CHST9: variants seen among roughly 807,000 people sequenced by gnomAD.
CHST9 encodes GalNAc-4-sulfotransferase 2.
CHST9 carries 41 observed loss-of-function variants against 44.4 expected under a neutral mutation model. The ratio of observed to expected loss-of-function variants is 0.92; its 90% CI spans 0.72 to 1.20. The LOEUF (loss-of-function observed/expected upper bound fraction) is 1.20, where lower values mean the gene tolerates loss of function less well. Among genes scored for constraint, CHST9 ranks in the 50% most tolerant of loss-of-function variants. The probability of loss-of-function intolerance (pLI) is 0.00; values close to 1 mark genes in which losing one functional copy is unlikely to be tolerated. For synonymous variants in CHST9, 171 were observed against 178.4 expected (o/e 0.96, Z 0.33); for missense variants, 504 against 516.5 (o/e 0.98, Z 0.23).
At chr18:27,002,066 C>T (rs1373696893) in intron 4 of CHST9, among the ~76,000 whole-genome samples, 1 of 151,900 alleles carries the variant, frequency 6.6e-6, no homozygotes, top group Non-Finnish European at 1.5e-5. Context: ...AAGGCACATC[C>T]TTTGGGTGGA....
chr18:27,048,068 C>T (rs1263944328), intron 3 of CHST9, among the ~76,000 whole-genome samples: 1 of 152,058 alleles, frequency 6.6e-6, no homozygotes, highest in Non-Finnish European at 1.5e-5. Flanking sequence ...TTAACACTGT[C>T]CTGAAAAGCA....
chr18:26,917,736 A>C (rs2055563680), intron 5 of CHST9, among the ~76,000 whole-genome samples: 1 of 152,170 alleles, frequency 6.6e-6, no homozygotes, highest in Admixed American at 6.6e-5. Flanking sequence ...TTTGAGATTG[A>C]AACTTTTATT....
rs532022839 is a variant in CHST9 at position 27,166,148 on chromosome 18, C to A, written c.-97+18988G>T. 2.0e-5 allele frequency among the ~76,000 whole-genome samples: 3 copies of A among 152,254 alleles called. No individual in the cohort carries two copies. In the South Asian group the frequency reaches 6.2e-4, roughly 32 times the overall value. On this transcript the variant is annotated intron_variant, in intron 1 of 5. Coordinates refer to ENST00000618847, the MANE Select transcript of CHST9 (RefSeq NM_031422.6). ...CGTCCTCCAAAAAATGACCTAATTT[C>A]TCAAACAGGAAATCTCAATCTGTAT...
chr18:27,184,178 TCA>T (rs1194160445), intron 1 of CHST9, among the ~76,000 whole-genome samples: 1 of 151,960 alleles, frequency 6.6e-6, no homozygotes, highest in Non-Finnish European at 1.5e-5. Flanking sequence ...GAGAAAAAAG[TCA>T]CACACACACA....
chr18:27,122,649 A>G (rs1326557305), intron 2 of CHST9, among the ~76,000 whole-genome samples: 2 of 152,186 alleles, frequency 1.3e-5, no homozygotes, highest in Non-Finnish European at 2.9e-5. Context: ...AGAACTCCAA[A>G]ATGAAGAGGT....
intron 2 of CHST9, among the ~76,000 whole-genome samples, chr18:27,106,869 C>CT (rs1431445166): frequency 6.6e-6 from 1 of 152,166 alleles, no homozygotes; most frequent in East Asian, 1.9e-4. Flanking sequence ...TTACCTAGAT[C>CT]TTTTTCATCA....
At chr18:26,957,058 T>G (rs2056335026) in intron 4 of CHST9, among the ~76,000 whole-genome samples, 1 of 152,140 alleles carries the variant, frequency 6.6e-6, no homozygotes. Flanking sequence ...GCGGGGGAAA[T>G]TGGCTGGTGA....
chr18:26,994,427 A>G (rs536237317), intron 4 of CHST9, among the ~76,000 whole-genome samples: 10 of 152,126 alleles, frequency 6.6e-5, no homozygotes, highest in Non-Finnish European at 1.5e-4. Context: ...ACAGAGCCAG[A>G]AAGAGCGATT....
intron 4 of CHST9, among the ~76,000 whole-genome samples, chr18:27,014,957 A>C (rs2057133783): frequency 6.6e-6 from 1 of 152,076 alleles, no homozygotes; most frequent in Non-Finnish European, 1.5e-5. Flanking sequence ...GGGGTCACCA[A>C]GGACTCTGCC....
At chr18:27,046,161 T>A (rs1044864757) in intron 3 of CHST9, among the ~76,000 whole-genome samples, 4 of 152,042 alleles carry the variant, frequency 2.6e-5, no homozygotes, top group Admixed American at 6.6e-5. Context: ...CCTGCACATG[T>A]TTACAAACAT....
chr18:26,988,978 A>T (rs986593436), intron 4 of CHST9, among the ~76,000 whole-genome samples: 1 of 152,146 alleles, frequency 6.6e-6, no homozygotes, highest in African/African-American at 2.4e-5. Flanking sequence ...TCAGAATTTT[A>T]AAAATGTCCC....
chr18:27,023,915 C>T (rs1202529078), intron 4 of CHST9, among the ~76,000 whole-genome samples: 1 of 152,138 alleles, frequency 6.6e-6, no homozygotes, highest in Non-Finnish European at 1.5e-5. Flanking sequence ...GGACAAGGAT[C>T]GTGGTTTGCT....
chr18:27,174,241 C>G (rs1008539313), intron 1 of CHST9, among the ~76,000 whole-genome samples: 1 of 151,784 alleles, frequency 6.6e-6, no homozygotes, highest in Non-Finnish European at 1.5e-5. Context: ...CTCCTTTAAT[C>G]CTGAACAATA....
At chr18:27,015,896 T>A (rs1346618157) in intron 4 of CHST9, among the ~76,000 whole-genome samples, 1 of 152,194 alleles carries the variant, frequency 6.6e-6, no homozygotes, top group Non-Finnish European at 1.5e-5. Flanking sequence ...ATTTCAAGAC[T>A]TTGCTTCAGC....
At chr18:27,080,996 G>A (rs2057955144) in intron 2 of CHST9, among the ~76,000 whole-genome samples, 2 of 152,136 alleles carry the variant, frequency 1.3e-5, no homozygotes, top group Non-Finnish European at 2.9e-5. Flanking sequence ...CCCTAGGAGT[G>A]ATAGTACAAG....
intron 4 of CHST9, among the ~76,000 whole-genome samples, chr18:27,001,390 G>T (rs1016937559): frequency 1.3e-5 from 2 of 152,222 alleles, no homozygotes; most frequent in African/African-American, 4.8e-5. Flanking sequence ...TCTAGTCCAA[G>T]AATGTATTTG....
At chr18:27,006,545 G>A (rs538401675) in intron 4 of CHST9, among the ~76,000 whole-genome samples, 10 of 152,252 alleles carry the variant, frequency 6.6e-5, no homozygotes, top group African/African-American at 2.2e-4. Context: ...AGATGTCAGA[G>A]ATCATTAGTT....
At chr18:27,182,808 T>C (rs985748670) in intron 1 of CHST9, among the ~76,000 whole-genome samples, 1 of 152,204 alleles carries the variant, frequency 6.6e-6, no homozygotes, top group Non-Finnish European at 1.5e-5. Context: ...GTAAACATGT[T>C]ATTCATATCC....
At chr18:26,953,352 G>T (rs1347265858) in intron 4 of CHST9, among the ~76,000 whole-genome samples, 4 of 152,178 alleles carry the variant, frequency 2.6e-5, no homozygotes, top group Non-Finnish European at 5.9e-5. Flanking sequence ...AAACAGCATT[G>T]CCCAGGCAGG....
Sources: gnomAD v4.1 joint callset for allele counts (sites outside exome capture counted in the v4.1 genomes callset) on GRCh38, gnomAD v4.1.1 for gene constraint, MANE v1.5 for transcripts, NCBI Gene and HGNC (gene_info 2026-07-23, HGNC 2026-07-21) for gene names.